Variants in WWOX observed in about 807,000 individuals in gnomAD.
WWOX encodes the protein WW domain containing oxidoreductase.
In WWOX, 69 loss-of-function variants were observed where a neutral mutation model predicts 46.2. The observed-to-expected ratio is 1.49, with a 90% CI of 1.23 to 1.82. The LOEUF is 1.82. Ranked by LOEUF, WWOX falls within the 40% of genes most tolerant of loss-of-function variation. WWOX has a pLI of 0.00. For missense variants in WWOX, 919 were observed against 542.6 expected, an observed-to-expected ratio of 1.69 and a Z score of -6.89; for synonymous variants, 359 against 202.6, an observed-to-expected ratio of 1.77 and a Z score of -6.56.
At chr16:78,306,180 C>T (rs2080131272) in intron 5 of WWOX, among the ~76,000 whole-genome samples, 1 of 152,118 alleles carries the variant, frequency 6.6e-6, no homozygotes, top group Non-Finnish European at 1.5e-5. Flanking sequence ...GTGGCTTCTT[C>T]ATCCAAAGAA....
intron 8 of WWOX, among the ~76,000 whole-genome samples, chr16:79,210,858 G>T (rs1206686502): frequency 6.6e-6 from 1 of 152,176 alleles, no homozygotes; most frequent in African/African-American, 2.4e-5. Flanking sequence ...GAATGAAAGT[G>T]ATCAGCTGCA....
intron 8 of WWOX, among the ~76,000 whole-genome samples, chr16:78,691,854 A>G (rs2047996032): frequency 6.6e-6 from 1 of 152,226 alleles, no homozygotes; most frequent in African/African-American, 2.4e-5. Flanking sequence ...TGTATCTGCC[A>G]GAATTCCCAC....
At position 78,115,156 on chromosome 16, in the gene WWOX, T is replaced by A; in HGVS notation, c.409+2T>A. 6.2e-7 allele frequency: 1 copy of A among 1,614,188 alleles called. No individual in the cohort carries two copies. Among genetic ancestry groups the A allele is most frequent in the Non-Finnish European group, 8.5e-7 (1 of 1,179,998 alleles). ...TCACTGGAGCTAATTCAGGAATAGG[T>A]AGGCTCTTCACTTAGTTATTTATCT... On this transcript the variant is annotated splice_donor_variant, in intron 4 of 8. Coordinates refer to ENST00000566780, the MANE Select transcript of WWOX (RefSeq NM_016373.4). LOFTEE classifies it high-confidence loss of function.
chr16:79,091,089 A>G (rs905316794), intron 8 of WWOX, among the ~76,000 whole-genome samples: 2 of 152,186 alleles, frequency 1.3e-5, no homozygotes, highest in African/African-American at 4.8e-5. Context: ...CTCCAGGCCT[A>G]GAAAGACTGG....
intron 8 of WWOX, among the ~76,000 whole-genome samples, chr16:79,096,016 A>ATTTTTTG (rs71384393): frequency 8.5e-5 from 7 of 82,012 alleles, no homozygotes; most frequent in Non-Finnish European, 8.8e-5. Flanking sequence ...CACCCGGATA[A>ATTTTTTG]TTTTTTTTTT....
intron 8 of WWOX, among the ~76,000 whole-genome samples, chr16:79,183,368 G>A (rs1469181552): frequency 1.3e-5 from 2 of 152,254 alleles, no homozygotes; most frequent in Non-Finnish European, 2.9e-5. Flanking sequence ...AAAAGAAGAT[G>A]CATTTTGTCA....
At chr16:78,735,531 T>C (rs1389284019) in intron 8 of WWOX, among the ~76,000 whole-genome samples, 1 of 152,158 alleles carries the variant, frequency 6.6e-6, no homozygotes, top group Non-Finnish European at 1.5e-5. Flanking sequence ...CTCTGAGTGT[T>C]CCTGTTTTAT....
intron 8 of WWOX, among the ~76,000 whole-genome samples, chr16:78,750,477 T>G (rs547020076): frequency 5.9e-5 from 9 of 152,312 alleles, no homozygotes; most frequent in African/African-American, 2.2e-4. Flanking sequence ...TGGGATTTAT[T>G]TTATTTTATT....
chr16:78,628,762 A>C (rs1597369609), intron 8 of WWOX, among the ~76,000 whole-genome samples: 1 of 152,136 alleles, frequency 6.6e-6, no homozygotes, highest in African/African-American at 2.4e-5. Flanking sequence ...TGAATTATGA[A>C]AGGAAGAGGA....
intron 5 of WWOX, among the ~76,000 whole-genome samples, chr16:78,192,786 G>A (rs912672950): frequency 6.6e-6 from 1 of 152,084 alleles, no homozygotes; most frequent in African/African-American, 2.4e-5. Context: ...CTTGTTACAG[G>A]TCTAGTGCTG....
intron 8 of WWOX, chr16:78,495,859 T>C (rs956148690): frequency 1.3e-5 from 2 of 152,156 alleles, no homozygotes; most frequent in African/African-American, 2.4e-5. Flanking sequence ...GTTTATTTTT[T>C]TCAGTGAGTG....
chr16:78,816,724 G>T (rs2051340312), intron 8 of WWOX, among the ~76,000 whole-genome samples: 1 of 151,972 alleles, frequency 6.6e-6, no homozygotes, highest in Admixed American at 6.6e-5. Context: ...ATCTAAAAAT[G>T]AGCAATTGCT....
chr16:78,845,272 G>A (rs1597711300), intron 8 of WWOX, among the ~76,000 whole-genome samples: 1 of 151,756 alleles, frequency 6.6e-6, no homozygotes, highest in East Asian at 1.9e-4. Context: ...AAGACTACAT[G>A]GCTAATTTAT....
At chr16:78,292,925 G>A (rs1597450270) in intron 5 of WWOX, among the ~76,000 whole-genome samples, 2 of 152,182 alleles carry the variant, frequency 1.3e-5, no homozygotes, top group Admixed American at 1.3e-4. Context: ...GCCAGAGTGT[G>A]AGGAAATTTC....
Position 79,072,357 on chromosome 16 carries a change from T to G in WWOX, c.1057-139251T>G, listed in dbSNP as rs1017134678. On this transcript the variant is annotated intron_variant, in intron 8 of 8. Transcript: ENST00000566780. ...AACTCTGCAGAGGTCCTGGGTCACA[T>G]TTCCTGCAAAGTTGCACTGCCTCCC... Among the ~76,000 whole-genome samples the G allele has an allele frequency of 2.6e-5, 4 of 152,116 alleles. No homozygotes were observed. In the East Asian group the frequency reaches 7.7e-4, roughly 29 times the overall value.
chr16:78,581,422 G>A (rs2151589217), intron 8 of WWOX, among the ~76,000 whole-genome samples: 1 of 152,194 alleles, frequency 6.6e-6, no homozygotes, highest in African/African-American at 2.4e-5. Context: ...AAACTAACAG[G>A]AACTGGTTTT....
chr16:79,077,256 C>G (rs918174098), intron 8 of WWOX: 1 of 151,916 alleles, frequency 6.6e-6, no homozygotes, highest in African/African-American at 2.4e-5. Flanking sequence ...TAAAATGTGC[C>G]AAAGTAATAA....
chr16:78,464,745 C>T (rs1194649853), intron 8 of WWOX, among the ~76,000 whole-genome samples: 1 of 152,116 alleles, frequency 6.6e-6, no homozygotes, highest in Non-Finnish European at 1.5e-5. Context: ...TAAAGGGCCC[C>T]ATTCAGTCTC....
At chr16:78,600,352 A>AG (rs997180334) in intron 8 of WWOX, among the ~76,000 whole-genome samples, 14 of 152,152 alleles carry the variant, frequency 9.2e-5, no homozygotes, top group South Asian at 2.1e-4. Flanking sequence ...GCATAGCTGG[A>AG]GGGGGGGCCC....
Sources: gnomAD v4.1 joint callset for allele counts (sites outside exome capture counted in the v4.1 genomes callset) on GRCh38, gnomAD v4.1.1 for gene constraint, MANE v1.5 for transcripts, NCBI Gene and HGNC (gene_info 2026-07-23, HGNC 2026-07-21) for gene names.